CAPRIN2: variants seen among roughly 807,000 people sequenced by gnomAD.
The protein encoded by CAPRIN2 is caprin-2.
A neutral mutation model predicts 130.4 loss-of-function variants in CAPRIN2; 66 were observed. The observed-to-expected ratio is 0.51, with a 90% CI of 0.42 to 0.62. CAPRIN2 has a LOEUF of 0.62. Among genes scored for constraint, CAPRIN2 ranks in the 20% least tolerant of loss-of-function variants. CAPRIN2 has a pLI of 0.00. For synonymous variants in CAPRIN2, 471 were observed against 444.1 expected (o/e 1.06, Z -0.76); for missense variants, 1,185 against 1,246.6 (o/e 0.95, Z 0.74).
At chr12:30,739,168 G>T (rs757943148) in intron 3 of CAPRIN2, among the ~76,000 whole-genome samples, 14 of 152,156 alleles carry the variant, frequency 9.2e-5, no homozygotes, top group Non-Finnish European at 1.9e-4. Context: ...GCCCATCAAT[G>T]ATAGACCAGA....
intron 3 of CAPRIN2, among the ~76,000 whole-genome samples, chr12:30,735,775 T>G (rs771297633): frequency 7.2e-5 from 11 of 152,174 alleles, no homozygotes; most frequent in Non-Finnish European, 1.5e-5. Flanking sequence ...TAATTTGCCC[T>G]GTCAGTCTGG....
rs752822721 is a variant in CAPRIN2, at chr12:30,753,331, GA to G, written c.420+12del. 5.6e-6 allele frequency: 9 copies of G among 1,595,434 alleles called. No homozygotes were observed. The highest frequency in any genetic ancestry group is 3.4e-5 in the South Asian group (3 of 89,530). On this transcript the variant is annotated intron_variant, in intron 1 of 16. Transcript: ENST00000298892. Reference sequence around the variant, plus strand: ...AGATCATGCATCTACAGGACTGGAAGAAAAAAAGTTACCTTCTTTTTCTCGA... The same window carrying G: ...AGATCATGCATCTACAGGACTGGAAGAAAAAAGTTACCTTCTTTTTCTCGA...
chr12:30,751,849 A>T (rs1278429029), intron 1 of CAPRIN2, among the ~76,000 whole-genome samples: 1 of 151,990 alleles, frequency 6.6e-6, no homozygotes, highest in Non-Finnish European at 1.5e-5. Flanking sequence ...TACTTAAGGA[A>T]ATTATGAAAA....
intron 2 of CAPRIN2, among the ~76,000 whole-genome samples, chr12:30,750,548 T>A (rs1227987347): frequency 1.3e-5 from 2 of 151,696 alleles, no homozygotes; most frequent in Admixed American, 1.3e-4. Context: ...TTTTTTTTTT[T>A]AAAGGCCAGA....
chr12:30,754,750 C>G (rs976397365), upstream of CAPRIN2: 2 of 153,548 alleles, frequency 1.3e-5, no homozygotes, highest in African/African-American at 4.8e-5. Context: ...CCCGACTTCA[C>G]CTCCCCAGGC....
chr12:30,737,939 C>T (rs1201225598), intron 3 of CAPRIN2, among the ~76,000 whole-genome samples: 1 of 151,870 alleles, frequency 6.6e-6, no homozygotes, highest in African/African-American at 2.4e-5. Context: ...ATGATGAATC[C>T]CTACCAGGAG....
At chr12:30,754,787 G>C (rs1400261706), upstream of CAPRIN2, 1 of 152,528 alleles carries the variant, frequency 6.6e-6, no homozygotes, top group South Asian at 1.9e-4. Context: ...GCCGCAGCCC[G>C]GGCCCGCCTT....
chr12:30,713,920 C>A, intron 14 of CAPRIN2, 35 bp from the exon 17 acceptor site: 1 of 1,228,560 alleles, frequency 8.1e-7, no homozygotes, highest in Non-Finnish European at 1.2e-6. Context: ...AGATTATGGA[C>A]AAAATCATAT....
rs1276169609 is a variant in CAPRIN2, at chr12:30,734,960, T to A, written c.809+8A>T. ...TTTCATTTCAGGAAAATCTTTTCAT[T>A]AGCTTACCTCAGACTTTCATTTCTT... On this transcript the variant is annotated splice_region_variant and intron_variant, in intron 4 of 16. Transcript: ENST00000298892. The A allele has an allele frequency of 6.3e-7, 1 of 1,589,630 alleles. No individual in the cohort carries two copies. The highest frequency in any genetic ancestry group is 2.2e-5 in the East Asian group (1 of 44,740).
chr12:30,747,845 T>C (rs2071478243), intron 2 of CAPRIN2, among the ~76,000 whole-genome samples: 1 of 152,090 alleles, frequency 6.6e-6, no homozygotes, highest in Non-Finnish European at 1.5e-5. Flanking sequence ...TGTCAAAATA[T>C]CAACATGAAC....
intron 2 of CAPRIN2, among the ~76,000 whole-genome samples, chr12:30,748,087 T>C (rs2071622420): frequency 1.3e-5 from 2 of 152,206 alleles, no homozygotes; most frequent in Non-Finnish European, 2.9e-5. Flanking sequence ...CTGGTAAAGA[T>C]ATTATGAACA....
Position 30,736,871 on chromosome 12 carries a change from T to A in CAPRIN2, c.571-1665A>T, listed in dbSNP as rs530511140. ...TTCTCATGGTATAGGGAAAAGCAAC[T>A]GATTCACAGGGCATCTTCAGACAAT... On this transcript the variant is annotated intron_variant, in intron 3 of 16. Transcript: ENST00000298892. Among the ~76,000 whole-genome samples the A allele has an allele frequency of 2.6e-5, 4 of 152,356 alleles. No homozygotes were observed. In the East Asian group the frequency reaches 7.7e-4, roughly 29 times the overall value.
At chr12:30,729,191 T>C (rs1565618708) in exon 8 of CAPRIN2, 1 of 1,614,118 alleles carries the variant, frequency 6.2e-7, no homozygotes, top group Non-Finnish European at 8.5e-7. Context: ...GTTTCTTCTC[T>C]TGACCATCTG....
intron 12 of CAPRIN2, among the ~76,000 whole-genome samples, chr12:30,717,311 T>A (rs1296103606): frequency 6.6e-6 from 1 of 152,174 alleles, no homozygotes; most frequent in Non-Finnish European, 1.5e-5. Flanking sequence ...TTATGCAAAG[T>A]GCAGTAAGCC....
intron 15 of CAPRIN2, chr12:30,711,845 C>G: frequency 1.5e-6 from 1 of 673,916 alleles, no homozygotes; most frequent in Non-Finnish European, 2.7e-6. Context: ...TTAACCTGAC[C>G]AATCAGATCT....
chr12:30,735,224 T>C lies in CAPRIN2; in HGVS notation c.571-18A>G, dbSNP rs1555166627. The C allele has an allele frequency of 1.3e-6, 2 of 1,573,238 alleles. No homozygotes were observed. Among genetic ancestry groups the C allele is most frequent in the Non-Finnish European group, 8.7e-7 (1 of 1,142,964 alleles). On this transcript the variant is annotated intron_variant, in intron 3 of 16. Transcript: ENST00000298892. ...TTTAGTAGCTGTTAAAACAAATGGCTAATTAAGGGTAACAATTCTCTACCA... is the reference window on the plus strand; with the variant it reads ...TTTAGTAGCTGTTAAAACAAATGGCCAATTAAGGGTAACAATTCTCTACCA...
intron 14 of CAPRIN2, among the ~76,000 whole-genome samples, chr12:30,714,654 C>T (rs567016727): frequency 4.1e-4 from 62 of 152,250 alleles, no homozygotes; most frequent in South Asian, 1.7e-3. Context: ...ATATGATACA[C>T]TTTTAGCAGA....
At chr12:30,744,564 T>C (rs1031567705) in intron 2 of CAPRIN2, among the ~76,000 whole-genome samples, 7 of 152,146 alleles carry the variant, frequency 4.6e-5, no homozygotes, top group African/African-American at 1.7e-4. Flanking sequence ...CTCCCCCCTT[T>C]CACTGGCTAA....
chr12:30,712,743 T>TA (rs759046667), intron 15 of CAPRIN2, among the ~76,000 whole-genome samples: 16 of 63,648 alleles, frequency 2.5e-4, no homozygotes, highest in African/African-American at 1.1e-3. Context: ...CTTTTTTTTT[T>TA]TTTTTTTTTT....
Sources: gnomAD v4.1 joint callset for allele counts (sites outside exome capture counted in the v4.1 genomes callset) on GRCh38, gnomAD v4.1.1 for gene constraint, MANE v1.5 for transcripts, NCBI Gene and HGNC (gene_info 2026-07-23, HGNC 2026-07-21) for gene names.